ADARB1: variants seen among roughly 807,000 people sequenced by gnomAD.
ADARB1 encodes double-stranded RNA-specific editase 1.
A neutral mutation model predicts 52.4 loss-of-function variants in ADARB1; 10 were observed. The ratio of observed to expected loss-of-function variants is 0.19; its 90% CI spans 0.12 to 0.32. The LOEUF (loss-of-function observed/expected upper bound fraction) is 0.32. Ranked by LOEUF, ADARB1 falls within the 10% of genes least tolerant of loss-of-function variation. ADARB1 has a pLI of 1.00. For synonymous variants in ADARB1, 349 were observed against 371.1 expected, an observed-to-expected ratio of 0.94 and a Z score of 0.68; for missense variants, 643 against 922.3, an observed-to-expected ratio of 0.70 and a Z score of 3.92.
chr21:45,123,113 C>T (rs1231355358), intron 1 of ADARB1, among the ~76,000 whole-genome samples: 2 of 151,882 alleles, frequency 1.3e-5, no homozygotes, highest in East Asian at 1.9e-4. Flanking sequence ...TTGTGAGATA[C>T]CTTTCTTGAA....
Position 45,128,170 on chromosome 21 carries a change from C to T in ADARB1, c.-219-232C>T, listed in dbSNP as rs1466182913. Among the ~76,000 whole-genome samples, 2 of 152,238 alleles carry T rather than the reference C, an allele frequency of 1.3e-5. No individual in the cohort carries two copies. The highest frequency in any genetic ancestry group is 2.9e-5 in the Non-Finnish European group (2 of 68,042). ...ATGTTGGGCTGGCAGCGATCTGCCT[C>T]CGTCTGTCACAGGTGCCTCTACCTG... is the stretch of plus-strand genomic sequence containing the variant. On this transcript the variant is annotated intron_variant, in intron 1 of 10. Transcript: ENST00000348831. The surrounding 1 kb of genome is among the most constrained non-coding windows in gnomAD (Gnocchi z 4.6).
chr21:45,156,968 T>C (rs2090690149), intron 2 of ADARB1, among the ~76,000 whole-genome samples: 2 of 152,326 alleles, frequency 1.3e-5, no homozygotes, highest in African/African-American at 4.8e-5. Flanking sequence ...CACCATTCTC[T>C]AGCAGTGTCT....
chr21:45,223,737 G>A lies in ADARB1; in HGVS notation c.*1540G>A. 1.0e-6 allele frequency: 1 copy of A among 985,482 alleles called. No individual in the cohort carries two copies. The highest frequency in any genetic ancestry group is 1.2e-6 in the Non-Finnish European group (1 of 829,982). The allele number at this position is 985,482 out of a possible 1,614,324, so 61.0% of individuals were successfully genotyped here. A position where few individuals can be genotyped will look rare whatever the true frequency, so the allele number is the denominator to read the frequency against. On this transcript the variant is annotated 3_prime_UTR_variant, in exon 11 of 11. Transcript: ENST00000348831. ...GCGTCATCCTCCCACCGGACGCTGG[G>A]AGCTCAGACCCCAAAACTGAAACAC...
chr21:45,154,165 A>G (rs1430499582), intron 2 of ADARB1, among the ~76,000 whole-genome samples: 1 of 152,182 alleles, frequency 6.6e-6, no homozygotes, highest in Admixed American at 6.5e-5. Flanking sequence ...AACCACTCTC[A>G]AATATGTTGC....
intron 2 of ADARB1, among the ~76,000 whole-genome samples, chr21:45,161,292 T>C (rs1186288912): frequency 6.6e-6 from 1 of 152,212 alleles, no homozygotes; most frequent in Non-Finnish European, 1.5e-5. Flanking sequence ...TTAGAAGCTG[T>C]GGACCCAGGC....
At chr21:45,118,699 C>T (rs906522529) in intron 1 of ADARB1, 2 of 152,182 alleles carry the variant, frequency 1.3e-5, no homozygotes, top group East Asian at 3.8e-4. Flanking sequence ...ACCCTAAACC[C>T]GGATCTGCTT....
At chr21:45,094,112 G>C (rs2086662880) in intron 1 of ADARB1, among the ~76,000 whole-genome samples, 1 of 152,066 alleles carries the variant, frequency 6.6e-6, no homozygotes, top group African/African-American at 2.4e-5. Flanking sequence ...ATGGTTTTTT[G>C]ATGACTTTGT....
chr21:45,124,766 G>GGTGATGTGTGTGT (rs1439741072), intron 1 of ADARB1, among the ~76,000 whole-genome samples: 5 of 25,518 alleles, frequency 2.0e-4, no homozygotes, highest in East Asian at 1.1e-3. Flanking sequence ...CTTTTTAAAT[G>GGTGATGTGTGTGT]GTGTGTGTGT....
intron 2 of ADARB1, among the ~76,000 whole-genome samples, chr21:45,141,799 G>A (rs1325704936): frequency 6.6e-6 from 1 of 151,634 alleles, no homozygotes; most frequent in Non-Finnish European, 1.5e-5. Context: ...GCCACGCCTG[G>A]GCCATGTTAA....
chr21:45,089,092 G>A (rs1405750925), intron 1 of ADARB1, among the ~76,000 whole-genome samples: 1 of 152,198 alleles, frequency 6.6e-6, no homozygotes, highest in Admixed American at 6.5e-5. Flanking sequence ...AGAAACCACC[G>A]AAATTCAGAT....
At chr21:45,109,136 CGT>C (rs377212151) in intron 1 of ADARB1, among the ~76,000 whole-genome samples, 20 of 150,802 alleles carry the variant, frequency 1.3e-4, no homozygotes, top group Admixed American at 5.3e-4. Flanking sequence ...CTCCTGTATG[CGT>C]GTGTGTGTGC....
At chr21:45,122,737 A>T (rs763598149) in intron 1 of ADARB1, among the ~76,000 whole-genome samples, 7 of 152,210 alleles carry the variant, frequency 4.6e-5, no homozygotes, top group Non-Finnish European at 5.9e-5. Context: ...CTCAAGGCAA[A>T]TGGAGAAAAC....
intron 2 of ADARB1, among the ~76,000 whole-genome samples, chr21:45,158,868 A>C (rs888779810): frequency 6.6e-6 from 1 of 152,078 alleles, no homozygotes; most frequent in Non-Finnish European, 1.5e-5. Flanking sequence ...GACTGCAGAG[A>C]CAGCTTGTGG....
At chr21:45,122,306 C>T (rs1214281431) in intron 1 of ADARB1, among the ~76,000 whole-genome samples, 1 of 152,182 alleles carries the variant, frequency 6.6e-6, no homozygotes, top group African/African-American at 2.4e-5. Context: ...ATGATTATTA[C>T]TGGCACAGCA....
At chr21:45,180,465 T>C in intron 5 of ADARB1, 21 bp downstream of exon 5, 1 of 1,577,308 alleles carries the variant, frequency 6.3e-7, no homozygotes. Flanking sequence ...TGGTGTTGTA[T>C]GTAACCCTGC....
chr21:45,203,532 C>G (rs961004850), intron 8 of ADARB1, among the ~76,000 whole-genome samples: 3 of 152,204 alleles, frequency 2.0e-5, no homozygotes, highest in African/African-American at 7.2e-5. Context: ...AACTCCCAGG[C>G]TGAGCAGAGC....
At chr21:45,116,295 C>T (rs916633406) in intron 1 of ADARB1, among the ~76,000 whole-genome samples, 5 of 152,276 alleles carry the variant, frequency 3.3e-5, no homozygotes, top group African/African-American at 1.2e-4. Context: ...GCTTGCTGCG[C>T]AGCAGCACCC....
At chr21:45,079,346 T>TA (rs1213255116) in intron 1 of ADARB1, among the ~76,000 whole-genome samples, 2 of 152,214 alleles carry the variant, frequency 1.3e-5, no homozygotes, top group Admixed American at 6.5e-5. Context: ...TGCACTTTCA[T>TA]AAAAAAGGAA....
At chr21:45,150,141 G>A (rs2090209255) in intron 2 of ADARB1, among the ~76,000 whole-genome samples, 1 of 152,204 alleles carries the variant, frequency 6.6e-6, no homozygotes. Flanking sequence ...AAAGAAATTA[G>A]CCAGACGTGG....
Sources: gnomAD v4.1 joint callset for allele counts (sites outside exome capture counted in the v4.1 genomes callset) on GRCh38, gnomAD v4.1.1 for gene constraint, Gnocchi (gnomAD v3.1) non-coding constraint, MANE v1.5 for transcripts, NCBI Gene and HGNC (gene_info 2026-07-23, HGNC 2026-07-21) for gene names.